Variants in SLIT2 observed in about 807,000 individuals in gnomAD.
SLIT2 encodes slit homolog 2 protein.
In SLIT2, 41 loss-of-function variants were observed where a neutral mutation model predicts 185.7. That is an observed-to-expected ratio of 0.22 (90% CI 0.17 to 0.29). SLIT2 has a LOEUF of 0.29. SLIT2 is among the 10% of genes least tolerant of loss of function. SLIT2 has a pLI of 1.00. For synonymous variants in SLIT2, 693 were observed against 680.2 expected, an observed-to-expected ratio of 1.02 and a Z score of -0.29; for missense variants, 1,571 against 1,909.0, an observed-to-expected ratio of 0.82 and a Z score of 3.30.
rs548248823 is a variant in SLIT2 at position 20,577,127 on chromosome 4, C to T, written c.3088+8123C>T. ...AAAACTCTTTGGCTTTGATTCTTTA[C>T]TGCAAGATCAGATCAGTTCAAATAT... is the stretch of plus-strand genomic sequence containing the variant. On this transcript the variant is annotated intron_variant, in intron 29 of 36. Coordinates refer to ENST00000504154, the MANE Select transcript of SLIT2 (RefSeq NM_004787.4). Among the ~76,000 whole-genome samples the T allele has an allele frequency of 2.6e-5, 4 of 152,258 alleles. No individual in the cohort carries two copies. The East Asian group carries it at 7.7e-4, about 29-fold the overall frequency.
At chr4:20,390,751 A>G (rs1725343775) in intron 4 of SLIT2, among the ~76,000 whole-genome samples, 1 of 151,522 alleles carries the variant, frequency 6.6e-6, no homozygotes, top group Non-Finnish European at 1.5e-5. Context: ...ATTTTAGAAA[A>G]AGATCTTATT....
intron 11 of SLIT2, among the ~76,000 whole-genome samples, chr4:20,517,331 A>T (rs1449236904): frequency 1.3e-5 from 2 of 152,186 alleles, no homozygotes; most frequent in Non-Finnish European, 2.9e-5. Context: ...TTACAGGCAC[A>T]TAGTAAGTGC....
chr4:20,467,785 A>G lies in SLIT2; in HGVS notation c.429A>G (p.Pro143=). 3.8e-6 allele frequency: 6 copies of G among 1,599,660 alleles called. No individual in the cohort carries two copies. Among genetic ancestry groups the G allele is most frequent in the Non-Finnish European group, 5.1e-6 (6 of 1,171,698 alleles). ...GTGAAAACCAAATTCAGGCAATCCC[A>G]AGGAAAGCTTTCCGTGGGGCAGTTG... The part of the protein sequence containing the change: ...DLSENQIQAI[P]RKAFRGAVDI... The change falls in exon 5 of 37, where the codon CCA becomes CCG. Residue 143 remains proline (P), a synonymous_variant. Coordinates refer to ENST00000504154, the MANE Select transcript of SLIT2 (RefSeq NM_004787.4).
intron 9 of SLIT2, among the ~76,000 whole-genome samples, chr4:20,496,817 T>C (rs1176229333): frequency 1.3e-5 from 2 of 152,128 alleles, no homozygotes; most frequent in South Asian, 2.1e-4. Context: ...AATCAGACAT[T>C]TGGAACAGAT....
intron 29 of SLIT2, among the ~76,000 whole-genome samples, chr4:20,580,025 T>G (rs1205195440): frequency 7.0e-6 from 1 of 142,580 alleles, no homozygotes; most frequent in East Asian, 2.0e-4. Flanking sequence ...TATTATTATA[T>G]ATAATATATA....
intron 4 of SLIT2, among the ~76,000 whole-genome samples, chr4:20,435,293 A>T (rs866367921): frequency 6.6e-6 from 1 of 152,200 alleles, no homozygotes; most frequent in Non-Finnish European, 1.5e-5. Context: ...CACACAGCAG[A>T]TATTGATTGA....
intron 4 of SLIT2, among the ~76,000 whole-genome samples, chr4:20,448,408 G>A (rs1712068807): frequency 6.6e-6 from 1 of 151,946 alleles, no homozygotes; most frequent in Non-Finnish European, 1.5e-5. Flanking sequence ...TGCAAACTGT[G>A]CTTCCAGGTT....
chr4:20,462,580 A>G (rs1713850042), intron 4 of SLIT2, among the ~76,000 whole-genome samples: 1 of 152,156 alleles, frequency 6.6e-6, no homozygotes, highest in African/African-American at 2.4e-5. Context: ...AGTGTTCTCT[A>G]AAAACATTGC....
At chr4:20,459,491 G>A (rs1713461333) in intron 4 of SLIT2, among the ~76,000 whole-genome samples, 1 of 152,142 alleles carries the variant, frequency 6.6e-6, no homozygotes, top group African/African-American at 2.4e-5. Flanking sequence ...CTAAGCATAA[G>A]TTTCTTGGGG....
chr4:20,319,329 T>C (rs2109158154), intron 4 of SLIT2, among the ~76,000 whole-genome samples: 1 of 152,310 alleles, frequency 6.6e-6, no homozygotes, highest in Admixed American at 6.5e-5. Context: ...GCAAATGTTA[T>C]TTAAAAGTAT....
At position 20,618,884 on chromosome 4, in the gene SLIT2, G is replaced by C; in HGVS notation, c.4465G>C (p.Gly1489Arg). The change falls in exon 37 of 37, where the codon GGG becomes CGG. Residue 1489 changes from glycine (G) to arginine (R), a missense_variant. By Grantham distance (125) the Gly-to-Arg change is moderately radical (BLOSUM62 -2). Around this residue, in one of 3 missense-constraint regions of SLIT2, gnomAD observed 223 missense variants for 245.2 expected, o/e 0.91. Coordinates refer to ENST00000504154, the MANE Select transcript of SLIT2 (RefSeq NM_004787.4). The stretch of plus-strand genomic sequence containing the variant: ...AGAGTGCAGAGGTGGGTGTGCAGGA[G>C]GGCAGTGCTGTGGACCGCTGAGGAG... ...RLECRGGCAG[G>R]QCCGPLRSKR... is the part of the protein sequence containing the mutation. The C allele has an allele frequency of 2.5e-6, 4 of 1,614,174 alleles. No homozygotes were observed. The highest frequency in any genetic ancestry group is 3.4e-6 in the Non-Finnish European group (4 of 1,180,020).
At chr4:20,593,720 A>G (rs560814121) in intron 30 of SLIT2, among the ~76,000 whole-genome samples, 48 of 152,238 alleles carry the variant, frequency 3.2e-4, no homozygotes, top group Non-Finnish European at 6.2e-4. Context: ...GTATGTATAA[A>G]ACATTACCAT....
chr4:20,405,805 T>G (rs1577591519), intron 4 of SLIT2, among the ~76,000 whole-genome samples: 1 of 152,004 alleles, frequency 6.6e-6, no homozygotes, highest in Admixed American at 6.6e-5. Flanking sequence ...TTAATTTAAT[T>G]TAAAAATTTT....
At chr4:20,589,812 A>C (rs1184820405) in intron 30 of SLIT2, 75 bp downstream of exon 30, 9 of 943,226 alleles carry the variant, frequency 9.5e-6, no homozygotes, top group Non-Finnish European at 1.4e-5. Flanking sequence ...CTCCTCCTTC[A>C]TCCTTAGCTT....
rs374092950 is a variant in SLIT2 at position 20,618,996 on chromosome 4, G to A, written c.4577G>A (p.Arg1526Lys). The A allele has an allele frequency of 6.2e-7, 1 of 1,613,686 alleles. No homozygotes were observed. The highest frequency in any genetic ancestry group is 1.7e-5 in the Admixed American group (1 of 60,000). ...AAAGTGGTGAAGTGCGGCTGTACGA[G>A]GTGTGTGTCCTAAACACACTCCCGG... ...VEKVVKCGCT[R>K]CVS The change falls in exon 37 of 37, where the codon AGG (arginine) becomes AAG (lysine). Residue 1526 changes from arginine to lysine, a missense_variant. By Grantham distance (26) the Arg-to-Lys change is conservative (BLOSUM62 2). Transcript: ENST00000504154.
intron 4 of SLIT2, among the ~76,000 whole-genome samples, chr4:20,310,787 G>A (rs778753106): frequency 1.3e-5 from 2 of 152,160 alleles, no homozygotes; most frequent in Non-Finnish European, 2.9e-5. Context: ...TAAATGAAGG[G>A]AATGTGGCTA....
intron 4 of SLIT2, among the ~76,000 whole-genome samples, chr4:20,431,380 T>TTTTATA (rs1728962994): frequency 6.6e-6 from 1 of 151,704 alleles, no homozygotes; most frequent in Admixed American, 6.6e-5. Flanking sequence ...AATATTTGTG[T>TTTTATA]TTTATTTTTA....
Position 20,472,522 on chromosome 4 carries a change from ATC to A in SLIT2, c.467+4701_467+4702del, listed in dbSNP as rs1326295663. ...TATATCTATATATAGATAGATATAT[ATC>A]TATATATAGATATATCTATATCTAT... is the stretch of plus-strand genomic sequence containing the variant. On this transcript the variant is annotated intron_variant, in intron 5 of 36. Coordinates refer to ENST00000504154, the MANE Select transcript of SLIT2 (RefSeq NM_004787.4). Among the ~76,000 whole-genome samples, 135 of 23,588 alleles carry A rather than the reference ATC, an allele frequency of 5.7e-3. 10 individuals are homozygous for A. Among genetic ancestry groups the A allele is most frequent in the African/African-American group, 0.01 (38 of 3,720 alleles). 15.5% of individuals were successfully genotyped at this position (23,588 alleles called of 152,430 possible).
intron 4 of SLIT2, among the ~76,000 whole-genome samples, chr4:20,288,632 A>G (rs1195940975): frequency 6.6e-6 from 1 of 152,244 alleles, no homozygotes; most frequent in Non-Finnish European, 1.5e-5. Flanking sequence ...TACAAAATGA[A>G]CGGCTATGGT....
Sources: gnomAD v4.1 joint callset for allele counts (sites outside exome capture counted in the v4.1 genomes callset) on GRCh38, gnomAD v4.1.1 for gene constraint, gnomAD v4.1.1 regional missense constraint, MANE v1.5 for transcripts, NCBI Gene and HGNC (gene_info 2026-07-23, HGNC 2026-07-21) for gene names.